GRM8: variants seen among roughly 807,000 people sequenced by gnomAD.
The protein encoded by GRM8 is metabotropic glutamate receptor 8.
A neutral mutation model predicts 87.2 loss-of-function variants in GRM8; 47 were observed. That is an observed-to-expected ratio of 0.54 (90% CI 0.43 to 0.69). The LOEUF (loss-of-function observed/expected upper bound fraction) is 0.69, where lower values mean the gene tolerates loss of function less well. Ranked by LOEUF, GRM8 falls within the 30% of genes least tolerant of loss-of-function variation. The pLI, the probability that GRM8 is intolerant of heterozygous loss-of-function variation, is 0.00. For synonymous variants in GRM8, 396 were observed against 404.5 expected (o/e 0.98, Z 0.25); for missense variants, 1,019 against 1,139.2 (o/e 0.89, Z 1.52).
intron 6 of GRM8, among the ~76,000 whole-genome samples, chr7:126,854,749 C>A (rs1797524520): frequency 6.6e-6 from 1 of 152,192 alleles, no homozygotes; most frequent in Non-Finnish European, 1.5e-5. Context: ...TTCTCTTAAA[C>A]CATTACCTAC....
chr7:126,968,840 A>C (rs1810125458), intron 3 of GRM8, among the ~76,000 whole-genome samples: 1 of 152,206 alleles, frequency 6.6e-6, no homozygotes, highest in South Asian at 2.1e-4. Flanking sequence ...GAAACTGTTA[A>C]GTGTATAAGG....
At chr7:126,515,177 G>T (rs569207099) in intron 9 of GRM8, among the ~76,000 whole-genome samples, 164 of 151,948 alleles carry the variant, frequency 1.1e-3, no homozygotes, top group African/African-American at 3.8e-3. Flanking sequence ...AATTGAAATT[G>T]GTTTGCAAAT....
chr7:126,835,093 AAAAAGAAAAG>A (rs1220155729), intron 6 of GRM8, among the ~76,000 whole-genome samples: 1 of 151,666 alleles, frequency 6.6e-6, no homozygotes, highest in African/African-American at 2.4e-5. Context: ...AAATAAAAAA[AAAAAGAAAAG>A]AAAAGAAAAA....
chr7:126,522,528 C>T (rs578099207), intron 9 of GRM8, among the ~76,000 whole-genome samples: 4 of 152,222 alleles, frequency 2.6e-5, no homozygotes, highest in African/African-American at 9.6e-5. Flanking sequence ...ATTTTTCGCC[C>T]ACACTGGAAA....
At chr7:127,085,156 G>A (rs1823337583) in intron 3 of GRM8, among the ~76,000 whole-genome samples, 1 of 152,124 alleles carries the variant, frequency 6.6e-6, no homozygotes, top group African/African-American at 2.4e-5. Flanking sequence ...CCTTTTTTAT[G>A]GCTGCATAGT....
At chr7:126,686,424 G>A (rs978991642) in intron 7 of GRM8, among the ~76,000 whole-genome samples, 1 of 152,122 alleles carries the variant, frequency 6.6e-6, no homozygotes, top group Non-Finnish European at 1.5e-5. Flanking sequence ...GCCCTTCAGG[G>A]AGCCCAGCTC....
intron 7 of GRM8, among the ~76,000 whole-genome samples, chr7:126,705,736 T>C (rs531875894): frequency 6.6e-6 from 1 of 152,338 alleles, no homozygotes; most frequent in Non-Finnish European, 1.5e-5. Flanking sequence ...GATTTTTCAC[T>C]GTTGGAAAAC....
At chr7:126,640,936 A>C (rs549562296) in intron 7 of GRM8, among the ~76,000 whole-genome samples, 70 of 152,282 alleles carry the variant, frequency 4.6e-4, no homozygotes, top group African/African-American at 1.6e-3. Context: ...GTCATTAAAA[A>C]GTGAATTACC....
rs986730289 is a variant in GRM8, at chr7:126,909,499, C to T, written c.728-4816G>A. On this transcript the variant is annotated intron_variant, in intron 3 of 10. Coordinates refer to ENST00000339582, the MANE Select transcript of GRM8 (RefSeq NM_000845.3). ...TACTAATTGTGTACAATTTAAGGGA[C>T]TTTAACTTTCCTATTCTGCAGGGGT... Among the ~76,000 whole-genome samples, 3 of 152,252 alleles carry T rather than the reference C, an allele frequency of 2.0e-5. No individual in the cohort carries two copies. In the South Asian group the frequency reaches 6.2e-4, roughly 32 times the overall value.
intron 2 of GRM8, among the ~76,000 whole-genome samples, chr7:127,132,293 C>T (rs1404288180): frequency 2.6e-5 from 4 of 152,350 alleles, no homozygotes; most frequent in South Asian, 2.1e-4. Flanking sequence ...TTTCCCCTCT[C>T]GCTTGCTGCT....
At chr7:127,201,710 C>T (rs919282623) in intron 2 of GRM8, among the ~76,000 whole-genome samples, 1 of 152,112 alleles carries the variant, frequency 6.6e-6, no homozygotes, top group Admixed American at 6.5e-5. Flanking sequence ...TTTGGAATAG[C>T]CTCAACTAGA....
intron 2 of GRM8, among the ~76,000 whole-genome samples, chr7:127,134,745 G>T (rs1462420300): frequency 1.3e-5 from 2 of 152,030 alleles, no homozygotes; most frequent in East Asian, 3.8e-4. Flanking sequence ...TACAAAAAAA[G>T]TTAAGATCTT....
At chr7:126,757,753 A>T (rs2151563966) in intron 7 of GRM8, among the ~76,000 whole-genome samples, 1 of 152,242 alleles carries the variant, frequency 6.6e-6, no homozygotes, top group South Asian at 2.1e-4. Flanking sequence ...TTCCCAGGCA[A>T]CGACTAAGTT....
At chr7:126,814,403 G>A (rs1793579437) in intron 6 of GRM8, among the ~76,000 whole-genome samples, 1 of 151,950 alleles carries the variant, frequency 6.6e-6, no homozygotes, top group Non-Finnish European at 1.5e-5. Flanking sequence ...TCAATCCTTG[G>A]ATTCATGTTT....
At chr7:126,474,002 C>T (rs890942306) in intron 9 of GRM8, among the ~76,000 whole-genome samples, 1 of 152,080 alleles carries the variant, frequency 6.6e-6, no homozygotes, top group Non-Finnish European at 1.5e-5. Flanking sequence ...TACCCAGTCT[C>T]AGATATTTCT....
chr7:127,057,540 G>C (rs1238503693), intron 3 of GRM8, among the ~76,000 whole-genome samples: 4 of 152,032 alleles, frequency 2.6e-5, no homozygotes, highest in Non-Finnish European at 5.9e-5. Context: ...GTTTTTCCAA[G>C]ATTTCACACA....
At chr7:127,061,422 A>C (rs548810208) in intron 3 of GRM8, among the ~76,000 whole-genome samples, 6 of 152,344 alleles carry the variant, frequency 3.9e-5, no homozygotes, top group Non-Finnish European at 8.8e-5. Context: ...TAACCAAAAA[A>C]ATACATTAAC....
intron 3 of GRM8, among the ~76,000 whole-genome samples, chr7:126,974,892 C>T (rs1051174472): frequency 1.8e-4 from 24 of 132,288 alleles, no homozygotes; most frequent in African/African-American, 6.4e-4. Context: ...GCCAAAATCG[C>T]GCCACTGCGC....
At chr7:126,982,290 C>G (rs568685550) in intron 3 of GRM8, among the ~76,000 whole-genome samples, 1 of 152,170 alleles carries the variant, frequency 6.6e-6, no homozygotes, top group South Asian at 2.1e-4. Context: ...CCTTTCCCAG[C>G]CCACTGACTC....
Sources: gnomAD v4.1 joint callset for allele counts (sites outside exome capture counted in the v4.1 genomes callset) on GRCh38, gnomAD v4.1.1 for gene constraint, MANE v1.5 for transcripts, NCBI Gene and HGNC (gene_info 2026-07-23, HGNC 2026-07-21) for gene names.